The following SLC7A11 variants were observed in gnomAD, a reference collection of about 807,000 sequenced individuals.
SLC7A11 encodes solute carrier family 7 member 11.
Under a neutral mutation model 54.5 loss-of-function variants are expected in SLC7A11, and 35 were observed. That is an observed-to-expected ratio of 0.64 (90% CI 0.49 to 0.85). SLC7A11 has a LOEUF of 0.85. Ranked by LOEUF, SLC7A11 falls within the 40% of genes least tolerant of loss-of-function variation. The pLI is 0.00. For synonymous variants in SLC7A11, 230 were observed against 225.2 expected, an observed-to-expected ratio of 1.02 and a Z score of -0.19; for missense variants, 583 against 618.1, an observed-to-expected ratio of 0.94 and a Z score of 0.60.
At chr4:138,228,956 T>TA (rs1738011101) in intron 3 of SLC7A11, among the ~76,000 whole-genome samples, 1 of 152,044 alleles carries the variant, frequency 6.6e-6, no homozygotes, top group East Asian at 1.9e-4. Context: ...ATACAGTACT[T>TA]AAAAAAATGG....
chr4:138,191,113 A>C (rs1180209478), intron 6 of SLC7A11, among the ~76,000 whole-genome samples: 2 of 152,184 alleles, frequency 1.3e-5, no homozygotes, highest in African/African-American at 4.8e-5. Context: ...GAAAACATTC[A>C]ATAAGCCTAT....
At chr4:138,182,216 T>C in intron 9 of SLC7A11, 81 bp downstream of exon 9, 1 of 863,208 alleles carries the variant, frequency 1.2e-6, no homozygotes, top group Non-Finnish European at 1.9e-6. Flanking sequence ...AGTAAAATAC[T>C]ATCTAATGTC....
intron 6 of SLC7A11, among the ~76,000 whole-genome samples, chr4:138,188,873 G>A (rs1736942816): frequency 6.6e-6 from 1 of 152,162 alleles, no homozygotes; most frequent in Admixed American, 6.5e-5. Flanking sequence ...TTTCTCAAAT[G>A]TTAGTACATG....
At chr4:138,209,319 T>C (rs912017085) in intron 6 of SLC7A11, among the ~76,000 whole-genome samples, 1 of 152,002 alleles carries the variant, frequency 6.6e-6, no homozygotes, top group African/African-American at 2.4e-5. Context: ...CATGTATCCA[T>C]GACTGATTGG....
At position 138,164,527 on chromosome 4, in the gene SLC7A11, G is replaced by T. The variant is rs887359903; in HGVS notation, c.*7429C>A. 1 of 152,122 alleles carries T rather than the reference G, an allele frequency of 6.6e-6. No homozygotes were observed. Among genetic ancestry groups the T allele is most frequent in the African/African-American group, 2.4e-5 (1 of 41,444 alleles). The allele number at this position is 152,122 out of a possible 1,614,324, so 9.4% of individuals were successfully genotyped here. A position where few individuals can be genotyped will look rare whatever the true frequency, so the allele number is the denominator to read the frequency against. On this transcript the variant is annotated 3_prime_UTR_variant, in exon 12 of 12. Coordinates refer to ENST00000280612, the MANE Select transcript of SLC7A11 (RefSeq NM_014331.4). ...GAAACAACGCAATCCACAGATGAAA[G>T]TCTCTCTGCACCATTTATATCTTCA...
chr4:138,177,401 A>G (rs1255757902), intron 11 of SLC7A11: 1 of 149,946 alleles, frequency 6.7e-6, no homozygotes, highest in African/African-American at 2.5e-5. Context: ...TATATTTGTT[A>G]CCTACCTATC....
intron 6 of SLC7A11, among the ~76,000 whole-genome samples, chr4:138,186,506 C>T (rs1027913409): frequency 6.6e-6 from 1 of 152,128 alleles, no homozygotes; most frequent in African/African-American, 2.4e-5. Context: ...GAGCCTGACA[C>T]TTCCCCGGAT....
intron 3 of SLC7A11, among the ~76,000 whole-genome samples, chr4:138,230,076 G>T (rs1253567658): frequency 2.6e-5 from 4 of 152,154 alleles, no homozygotes; most frequent in Non-Finnish European, 5.9e-5. Context: ...TCTGTTAAAG[G>T]TCTTAAAAAT....
At chr4:138,206,237 T>C (rs1297671263) in intron 6 of SLC7A11, among the ~76,000 whole-genome samples, 1 of 151,434 alleles carries the variant, frequency 6.6e-6, no homozygotes, top group Non-Finnish European at 1.5e-5. Context: ...TCTCTCTGTC[T>C]CTCTCTCTCC....
chr4:138,217,053 A>G (rs1737697696), intron 5 of SLC7A11, among the ~76,000 whole-genome samples: 1 of 152,094 alleles, frequency 6.6e-6, no homozygotes, highest in South Asian at 2.1e-4. Context: ...ACACCAACAG[A>G]CTATATTTTT....
At chr4:138,214,689 A>C in intron 5 of SLC7A11, 60 bp from the exon 6 acceptor site, 1 of 582,364 alleles carries the variant, frequency 1.7e-6, no homozygotes. Flanking sequence ...CCAAAGTCTC[A>C]AATTTTAAAT....
At chr4:138,210,026 A>C (rs1207248521) in intron 6 of SLC7A11, among the ~76,000 whole-genome samples, 1 of 151,882 alleles carries the variant, frequency 6.6e-6, no homozygotes, top group Non-Finnish European at 1.5e-5. Context: ...AAACAGAATG[A>C]TACAGGTACA....
At chr4:138,187,608 A>G (rs1259554025) in intron 6 of SLC7A11, among the ~76,000 whole-genome samples, 1 of 152,150 alleles carries the variant, frequency 6.6e-6, no homozygotes, top group Admixed American at 6.5e-5. Flanking sequence ...AAGGAAAATC[A>G]TGGTTGTTTA....
intron 2 of SLC7A11, among the ~76,000 whole-genome samples, chr4:138,233,278 G>A (rs4863775): frequency 0.41 from 61,660 of 150,548 alleles, 13,483 homozygotes; most frequent in Middle Eastern, 0.62. Context: ...TCCGCCTCCC[G>A]TGTTCAAGCA....
intron 6 of SLC7A11, among the ~76,000 whole-genome samples, chr4:138,199,732 A>G (rs534338823): frequency 9.9e-5 from 15 of 152,252 alleles, no homozygotes; most frequent in African/African-American, 3.6e-4. Flanking sequence ...GACTTGCATC[A>G]TAAACTCAAT....
intron 8 of SLC7A11, among the ~76,000 whole-genome samples, chr4:138,182,773 T>C (rs1736779479): frequency 6.6e-6 from 1 of 152,078 alleles, no homozygotes; most frequent in African/African-American, 2.4e-5. Flanking sequence ...ATATGTAGCA[T>C]TCACATTTAT....
At chr4:138,180,487 A>C (rs1736710242) in intron 10 of SLC7A11, among the ~76,000 whole-genome samples, 154 bp downstream of exon 10, 1 of 152,116 alleles carries the variant, frequency 6.6e-6, no homozygotes. Context: ...ACTTAAAATA[A>C]ATCCAACAGG....
In SLC7A11 at chr4:138,232,364, C is replaced by G; in HGVS notation, c.423G>C (p.Val141=). Residue 141 remains valine (V), a synonymous_variant, in exon 3 of 12, where the codon GTG becomes GTC. Transcript: ENST00000280612. ...TGTAGCGTCCAAATGCCAGGGATAT[C>G]ACAGCAGTAGCTGCAGGGCTAAAAA... ...LLIIRPAATA[V]ISLAFGRYIL... 1 of 1,609,420 alleles carries G rather than the reference C, an allele frequency of 6.2e-7. No homozygotes were observed. The highest frequency in any genetic ancestry group is 8.5e-7 in the Non-Finnish European group (1 of 1,175,878).
Position 138,236,455 on chromosome 4 carries a change from T to C in SLC7A11, c.278-4A>G, listed in dbSNP as rs533399220. On this transcript the variant is annotated splice_polypyrimidine_tract_variant and splice_region_variant and intron_variant, in intron 1 of 11. Coordinates refer to ENST00000280612, the MANE Select transcript of SLC7A11 (RefSeq NM_014331.4). ...AATTCAGCATAAGACAAAGCTCCTG[T>C]GAAATATTTGTCACAAAATGGTACC... The C allele has an allele frequency of 6.2e-6, 10 of 1,600,852 alleles. No individual in the cohort carries two copies. The South Asian group carries it at 1.0e-4, about 16-fold the overall frequency.
Sources: gnomAD v4.1 joint callset for allele counts (sites outside exome capture counted in the v4.1 genomes callset) on GRCh38, gnomAD v4.1.1 for gene constraint, MANE v1.5 for transcripts, NCBI Gene and HGNC (gene_info 2026-07-23, HGNC 2026-07-21) for gene names.